GLIS3: variants seen among roughly 807,000 people sequenced by gnomAD.
The protein encoded by GLIS3 is zinc finger protein GLIS3.
In GLIS3, 53 loss-of-function variants were observed where a neutral mutation model predicts 78.6. The observed-to-expected ratio is 0.67, with a 90% CI of 0.54 to 0.85. The LOEUF is 0.85. GLIS3 is among the 40% of genes least tolerant of loss of function. The pLI is 0.00. For missense variants in GLIS3, 1,703 were observed against 1,231.1 expected (o/e 1.38, Z -5.74); for synonymous variants, 684 against 509.9 (o/e 1.34, Z -4.60).
intron 6 of GLIS3, among the ~76,000 whole-genome samples, chr9:3,925,761 A>G (rs1055924542): frequency 6.6e-6 from 1 of 152,240 alleles, no homozygotes; most frequent in Non-Finnish European, 1.5e-5. Context: ...TTAAAAGTAC[A>G]TAAGCTCACA....
chr9:3,865,588 C>T (rs900851155), intron 8 of GLIS3, among the ~76,000 whole-genome samples: 14 of 152,308 alleles, frequency 9.2e-5, no homozygotes, highest in African/African-American at 3.4e-4. Flanking sequence ...TCCATTGTTG[C>T]TTCATGCTAT....
chr9:4,347,920 T>A (rs974870983), intron 1 of GLIS3, among the ~76,000 whole-genome samples: 1 of 152,196 alleles, frequency 6.6e-6, no homozygotes, highest in Non-Finnish European at 1.5e-5. Context: ...TAGCCACACA[T>A]TTAGGATATG....
intron 4 of GLIS3, among the ~76,000 whole-genome samples, chr9:4,308,418 G>A (rs186888649): frequency 2.0e-5 from 3 of 152,250 alleles, no homozygotes; most frequent in Admixed American, 1.3e-4. Context: ...GAAGGGCGCT[G>A]GAGGAGGACA....
chr9:4,049,655 C>G (rs1362060101), intron 4 of GLIS3, among the ~76,000 whole-genome samples: 1 of 152,154 alleles, frequency 6.6e-6, no homozygotes, highest in African/African-American at 2.4e-5. Context: ...TCAGAGTGAA[C>G]AGGCAACCTA....
intron 4 of GLIS3, among the ~76,000 whole-genome samples, chr9:4,038,289 G>T (rs1361725492): frequency 4.4e-5 from 2 of 45,214 alleles, no homozygotes; most frequent in African/African-American, 3.2e-4. Context: ...TAGGAAACTT[G>T]TCCAACTTGT....
At position 4,110,092 on chromosome 9, in the gene GLIS3, G is replaced by A. The variant is rs570044038; in HGVS notation, c.1710+7676C>T. On this transcript the variant is annotated intron_variant, in intron 4 of 10. Coordinates refer to ENST00000381971, the MANE Select transcript of GLIS3 (RefSeq NM_001042413.2). ...TGTCTCATTTATTTCTGTATCCCCC[G>A]GGTAAGGTATGGTACATGGCTTGCA... Among the ~76,000 whole-genome samples the A allele has an allele frequency of 3.9e-5, 6 of 152,208 alleles. No homozygotes were observed. In the East Asian group the frequency reaches 7.7e-4, roughly 20 times the overall value.
intron 1 of GLIS3, among the ~76,000 whole-genome samples, chr9:4,291,708 A>T (rs984236117): frequency 1.1e-4 from 16 of 152,272 alleles, no homozygotes; most frequent in Non-Finnish European, 8.8e-5. Context: ...CAGCATTGAG[A>T]GCCTTCCACA....
At chr9:3,878,865 G>GC (rs1821510739) in intron 8 of GLIS3, 1 of 160,644 alleles carries the variant, frequency 6.2e-6, no homozygotes, top group Non-Finnish European at 1.4e-5. Context: ...GTACACAGAA[G>GC]CACACGAGAT....
At chr9:4,355,793 A>C in the GLIS3 span, among the ~76,000 whole-genome samples, 1 of 152,176 alleles carries the variant, frequency 6.6e-6, no homozygotes, top group South Asian at 2.1e-4. Context: ...CATTGCACCT[A>C]TACAATGATG....
intron 4 of GLIS3, among the ~76,000 whole-genome samples, chr9:4,044,760 T>C (rs1005526496): frequency 6.6e-6 from 1 of 152,190 alleles, no homozygotes; most frequent in African/African-American, 2.4e-5. Context: ...CTCATATTTC[T>C]TTGAAAAGAA....
chr9:4,385,737 A>G, the GLIS3 span, among the ~76,000 whole-genome samples: 4 of 54,550 alleles, frequency 7.3e-5, no homozygotes, highest in East Asian at 6.2e-4. Context: ...GAAAGAAAGA[A>G]AAAGAAAGAA....
At chr9:4,195,076 C>G (rs1818685603) in intron 2 of GLIS3, among the ~76,000 whole-genome samples, 1 of 152,268 alleles carries the variant, frequency 6.6e-6, no homozygotes, top group Non-Finnish European at 1.5e-5. Context: ...AGGGCTAGAA[C>G]TGTGCTCTCC....
At chr9:3,998,990 C>T (rs1011530039) in intron 4 of GLIS3, among the ~76,000 whole-genome samples, 1 of 151,946 alleles carries the variant, frequency 6.6e-6, no homozygotes, top group African/African-American at 2.4e-5. Context: ...CACATGCATA[C>T]ATAAAGTTAC....
At chr9:4,371,465 T>C in the GLIS3 span, among the ~76,000 whole-genome samples, 2 of 152,194 alleles carry the variant, frequency 1.3e-5, no homozygotes, top group Non-Finnish European at 2.9e-5. Context: ...CTCTGCAAAC[T>C]CCTTTACTCG....
At chr9:4,361,762 CTTG>C in the GLIS3 span, among the ~76,000 whole-genome samples, 1 of 152,320 alleles carries the variant, frequency 6.6e-6, no homozygotes, top group Admixed American at 6.5e-5. Context: ...CTTTCCTTAC[CTTG>C]TTGTAACATG....
chr9:4,136,575 C>G (rs1833424012), intron 2 of GLIS3, among the ~76,000 whole-genome samples: 1 of 152,056 alleles, frequency 6.6e-6, no homozygotes, highest in Non-Finnish European at 1.5e-5. Flanking sequence ...AGGTTTTTCC[C>G]AAGGGACTCA....
rs558098829 is a variant in GLIS3 at position 4,186,626 on chromosome 9, G to A, written c.389-60685C>T. On this transcript the variant is annotated intron_variant, in intron 2 of 10. Transcript: ENST00000381971. ...TTACAGTCCCACCAACAGTGTAAAA[G>A]TGTTCCTATTTCTCCACATCCTCTC... Among the ~76,000 whole-genome samples the A allele has an allele frequency of 4.0e-5, 6 of 151,276 alleles. No individual in the cohort carries two copies. In the East Asian group the frequency reaches 9.7e-4, roughly 24 times the overall value.
chr9:3,985,572 T>C (rs1466526296), intron 4 of GLIS3, among the ~76,000 whole-genome samples: 2 of 152,222 alleles, frequency 1.3e-5, no homozygotes, highest in African/African-American at 2.4e-5. Flanking sequence ...TGTTTGCTCC[T>C]CTCTAGAATG....
chr9:4,449,569 G>A, the GLIS3 span, among the ~76,000 whole-genome samples: 53 of 152,330 alleles, frequency 3.5e-4, no homozygotes, highest in African/African-American at 1.1e-3. Context: ...TCTCCCAGTA[G>A]GGGCCAATTG....
Sources: allele counts gnomAD v4.1 joint callset (sites outside exome capture counted in the v4.1 genomes callset), GRCh38; gene constraint gnomAD v4.1.1; transcripts MANE v1.5; gene names NCBI Gene and HGNC (gene_info 2026-07-23, HGNC 2026-07-21).